Variants in ITPR1 observed in about 807,000 individuals in gnomAD.
ITPR1 encodes inositol 1,4,5-trisphosphate receptor type 1.
A neutral mutation model predicts 318.4 loss-of-function variants in ITPR1; 96 were observed. The observed-to-expected ratio is 0.30, with a 90% CI of 0.26 to 0.36. The LOEUF is 0.36. Ranked by LOEUF, ITPR1 falls within the 10% of genes least tolerant of loss-of-function variation. The probability of loss-of-function intolerance (pLI) is 1.00; values close to 1 mark genes in which losing one functional copy is unlikely to be tolerated. For synonymous variants in ITPR1, 1,312 were observed against 1,289.9 expected (o/e 1.02, Z -0.37); for missense variants, 2,440 against 3,460.2 (o/e 0.71, Z 7.40).
At chr3:4,519,304 G>T (rs1393275219) in intron 3 of ITPR1, among the ~76,000 whole-genome samples, 1 of 151,980 alleles carries the variant, frequency 6.6e-6, no homozygotes, top group Non-Finnish European at 1.5e-5. Flanking sequence ...TTGGCTCACT[G>T]CACCCTCCAC....
At chr3:4,844,092 G>C (rs2051571507) in intron 61 of ITPR1, among the ~76,000 whole-genome samples, 4 of 150,410 alleles carry the variant, frequency 2.7e-5, no homozygotes. Flanking sequence ...TTTGAGTAAA[G>C]TATCCTTCAA....
intron 2 of ITPR1, among the ~76,000 whole-genome samples, chr3:4,503,648 G>A (rs1453950758): frequency 1.3e-5 from 2 of 152,176 alleles, no homozygotes; most frequent in Middle Eastern, 3.4e-3. Flanking sequence ...TTTGTGAACA[G>A]ATCCTATGGT....
At chr3:4,781,079 A>G (rs536270461) in intron 49 of ITPR1, among the ~76,000 whole-genome samples, 1 of 152,310 alleles carries the variant, frequency 6.6e-6, no homozygotes, top group South Asian at 2.1e-4. Flanking sequence ...CTCAAATCGC[A>G]TGTAACATGT....
intron 29 of ITPR1, 150 bp downstream of exon 29, chr3:4,684,496 AT>A: frequency 1.6e-6 from 1 of 630,456 alleles, no homozygotes; most frequent in East Asian, 2.8e-5. Context: ...GGTTAAGCTC[AT>A]GGGTTTTGGC....
At position 4,809,310 on chromosome 3, in the gene ITPR1, A is replaced by T. The variant is rs372720531; in HGVS notation, c.7273-1955A>T. ...GGAGGCATGTATAGAAGTGTTCCTC[A>T]CAGCATTATTTGTTATGACATATAA... On this transcript the variant is annotated intron_variant, in intron 55 of 61. Coordinates refer to ENST00000649015, the MANE Select transcript of ITPR1 (RefSeq NM_001378452.1). Among the ~76,000 whole-genome samples, 21 of 152,344 alleles carry T rather than the reference A, an allele frequency of 1.4e-4. 4 individuals carry two copies. The highest frequency in any genetic ancestry group is 3.3e-4 in the Admixed American group (5 of 15,300).
At chr3:4,529,381 G>A (rs530922686) in intron 4 of ITPR1, among the ~76,000 whole-genome samples, 3 of 152,300 alleles carry the variant, frequency 2.0e-5, no homozygotes, top group East Asian at 1.9e-4. Context: ...CTCAGCAAGC[G>A]TAATGGGGTC....
intron 60 of ITPR1, among the ~76,000 whole-genome samples, chr3:4,818,988 C>T (rs1475965925): frequency 6.6e-6 from 1 of 152,154 alleles, no homozygotes; most frequent in Non-Finnish European, 1.5e-5. Context: ...TCGAGGGAGT[C>T]TCTGTGATTC....
intron 4 of ITPR1, among the ~76,000 whole-genome samples, chr3:4,544,361 A>G (rs2084761195): frequency 1.3e-5 from 2 of 152,232 alleles, no homozygotes; most frequent in African/African-American, 4.8e-5. Context: ...CAGGTAATGT[A>G]ACTATCCACA....
chr3:4,511,703 G>A (rs954243278), intron 2 of ITPR1, among the ~76,000 whole-genome samples: 2 of 152,208 alleles, frequency 1.3e-5, no homozygotes, highest in African/African-American at 2.4e-5. Flanking sequence ...CTTGCCTGAA[G>A]TTCTTCAGTG....
intron 43 of ITPR1, among the ~76,000 whole-genome samples, chr3:4,734,657 C>T (rs888566890): frequency 1.6e-4 from 25 of 152,202 alleles, no homozygotes; most frequent in African/African-American, 5.1e-4. Context: ...CTTGGCTCCA[C>T]GCCAAGCAGT....
chr3:4,690,289 GTAAA>G (rs1258323836), intron 31 of ITPR1, among the ~76,000 whole-genome samples: 3 of 152,092 alleles, frequency 2.0e-5, no homozygotes, highest in Non-Finnish European at 2.9e-5. Flanking sequence ...AAATAAATAA[GTAAA>G]TAAGAACGTA....
chr3:4,593,353 C>T (rs1260275988), intron 4 of ITPR1, among the ~76,000 whole-genome samples: 1 of 152,122 alleles, frequency 6.6e-6, no homozygotes, highest in East Asian at 1.9e-4. Context: ...ACATTTAGCT[C>T]TAAAACTTTA....
At chr3:4,641,995 G>A in intron 6 of ITPR1, 98 bp from the exon 7 acceptor site, 1 of 930,828 alleles carries the variant, frequency 1.1e-6, no homozygotes, top group East Asian at 2.8e-5. Flanking sequence ...CTCAATGGTG[G>A]GAGGAATGTT....
At chr3:4,658,402 G>T in intron 13 of ITPR1, 124 bp downstream of exon 13, 1 of 808,864 alleles carries the variant, frequency 1.2e-6, no homozygotes, top group Non-Finnish European at 1.9e-6. Context: ...TTTGGTGAAA[G>T]GTTTGCACTG....
intron 44 of ITPR1, among the ~76,000 whole-genome samples, chr3:4,742,277 T>C (rs1211640123): frequency 1.3e-5 from 2 of 152,214 alleles, no homozygotes; most frequent in African/African-American, 2.4e-5. Flanking sequence ...AGTTTCCTCA[T>C]CTGCAAAATG....
chr3:4,617,457 C>G (rs1200881397), intron 4 of ITPR1, among the ~76,000 whole-genome samples: 1 of 152,110 alleles, frequency 6.6e-6, no homozygotes, highest in African/African-American at 2.4e-5. Context: ...GAGAGACCTG[C>G]CCAACCCCAA....
chr3:4,711,437 A>G (rs988274316), intron 38 of ITPR1: 2 of 224,816 alleles, frequency 8.9e-6, no homozygotes, highest in South Asian at 1.1e-4. Flanking sequence ...TTCTCAGTGG[A>G]TAAATAGCCA....
intron 4 of ITPR1, among the ~76,000 whole-genome samples, chr3:4,558,569 G>T (rs1559445192): frequency 6.6e-6 from 1 of 152,140 alleles, no homozygotes; most frequent in Non-Finnish European, 1.5e-5. Flanking sequence ...TGTAGGTGAT[G>T]CAACAGGAAT....
intron 52 of ITPR1, among the ~76,000 whole-genome samples, chr3:4,791,358 TG>T (rs907200311): frequency 6.6e-6 from 1 of 152,088 alleles, no homozygotes; most frequent in African/African-American, 2.4e-5. Flanking sequence ...AGGGATGATT[TG>T]GGGATGAAAC....
Sources: gnomAD v4.1 joint callset for allele counts (sites outside exome capture counted in the v4.1 genomes callset) on GRCh38, gnomAD v4.1.1 for gene constraint, MANE v1.5 for transcripts, NCBI Gene and HGNC (gene_info 2026-07-23, HGNC 2026-07-21) for gene names.